The following FHIT variants were observed in gnomAD, a reference collection of about 807,000 sequenced individuals.
FHIT encodes the protein fragile histidine triad diadenosine triphosphatase, also known as bis(5'-adenosyl)-triphosphatase.
Under a neutral mutation model 17.9 loss-of-function variants are expected in FHIT, and 19 were observed. The ratio of observed to expected loss-of-function variants is 1.06; its 90% CI spans 0.74 to 1.56. FHIT has a LOEUF of 1.56. Ranked by LOEUF, FHIT falls within the 40% of genes most tolerant of loss-of-function variation. The pLI, the probability that FHIT is intolerant of heterozygous loss-of-function variation, is 0.00. For missense variants in FHIT, 248 were observed against 189.2 expected (o/e 1.31, Z -1.82); for synonymous variants, 81 against 69.7 (o/e 1.16, Z -0.81).
chr3:60,404,057 T>C (rs184056116), intron 5 of FHIT, among the ~76,000 whole-genome samples: 22 of 152,280 alleles, frequency 1.4e-4, no homozygotes, highest in Non-Finnish European at 3.2e-4. Flanking sequence ...ATCAGACTGA[T>C]TGTGGGCCAA....
intron 8 of FHIT, among the ~76,000 whole-genome samples, chr3:59,798,636 C>G (rs2629890): frequency 0.09 from 13,750 of 152,260 alleles, 833 homozygotes; most frequent in Non-Finnish European, 0.13. Context: ...GCGGCTGGAG[C>G]CTGTGAGGCT....
intron 5 of FHIT, among the ~76,000 whole-genome samples, chr3:60,096,766 C>T (rs572714059): frequency 1.3e-5 from 2 of 152,122 alleles, no homozygotes; most frequent in South Asian, 2.1e-4. Flanking sequence ...TGGCTAAATA[C>T]AGAGCAGAGA....
In FHIT at chr3:60,133,796, G is replaced by C. The variant is rs147659170; in HGVS notation, c.104-119644C>G. ...TTCAAATGACCTAAATCTAAAAATA[G>C]AGTACTTCATGCTCATGACTATTTT... On this transcript the variant is annotated intron_variant, in intron 5 of 9. Coordinates refer to ENST00000492590, the MANE Select transcript of FHIT (RefSeq NM_002012.4). 4.0e-5 allele frequency among the ~76,000 whole-genome samples: 6 copies of C among 149,640 alleles called. No homozygotes were observed. The East Asian group carries it at 1.2e-3, about 30-fold the overall frequency.
intron 7 of FHIT, among the ~76,000 whole-genome samples, chr3:59,975,859 G>A (rs1468764410): frequency 1.4e-5 from 2 of 147,264 alleles, no homozygotes; most frequent in African/African-American, 5.0e-5. Context: ...ATTGGACTAG[G>A]AATCCAACCT....
chr3:60,646,274 A>G (rs1381623327), intron 4 of FHIT, among the ~76,000 whole-genome samples: 1 of 152,182 alleles, frequency 6.6e-6, no homozygotes, highest in African/African-American at 2.4e-5. Context: ...AATGTAAAAA[A>G]TTACTTATAT....
chr3:60,115,862 A>C lies in FHIT; in HGVS notation c.104-101710T>G, dbSNP rs1035860004. Among the ~76,000 whole-genome samples, 14 of 142,986 alleles carry C rather than the reference A, an allele frequency of 9.8e-5. No homozygotes were observed. The South Asian group carries it at 3.1e-3, about 32-fold the overall frequency. The allele number at this position is 142,986 out of a possible 152,430, so 93.8% of individuals were successfully genotyped here. A position where few individuals can be genotyped will look rare whatever the true frequency, so the allele number is the denominator to read the frequency against. On this transcript the variant is annotated intron_variant, in intron 5 of 9. Transcript: ENST00000492590. ...TATAATACATATATATTATAAATCT[A>C]CAAAGACCTATCCATATATGCATAT...
intron 2 of FHIT, among the ~76,000 whole-genome samples, chr3:61,188,229 G>A (rs1443989396): frequency 6.6e-6 from 1 of 151,960 alleles, no homozygotes; most frequent in Non-Finnish European, 1.5e-5. Context: ...AATAGATGCA[G>A]TAAAAAATGA....
intron 8 of FHIT, among the ~76,000 whole-genome samples, chr3:59,776,959 C>T (rs1048872302): frequency 6.6e-6 from 1 of 152,108 alleles, no homozygotes; most frequent in Non-Finnish European, 1.5e-5. Flanking sequence ...ATTCCATGCC[C>T]TCCCACCACA....
chr3:60,218,296 T>C (rs1449880864), intron 5 of FHIT, among the ~76,000 whole-genome samples: 2 of 152,110 alleles, frequency 1.3e-5, no homozygotes, highest in Non-Finnish European at 2.9e-5. Flanking sequence ...GTTAAATATA[T>C]TTTATGTAGG....
intron 1 of FHIT, among the ~76,000 whole-genome samples, chr3:61,248,778 A>G (rs1167002002): frequency 2.6e-5 from 4 of 152,246 alleles, no homozygotes; most frequent in Non-Finnish European, 5.9e-5. Flanking sequence ...ATAGAAAAGC[A>G]TAAGCCTAAA....
intron 8 of FHIT, among the ~76,000 whole-genome samples, chr3:59,765,425 A>T (rs1701744525): frequency 6.6e-6 from 1 of 152,234 alleles, no homozygotes; most frequent in African/African-American, 2.4e-5. Context: ...CAAGGCTTCA[A>T]TGCTCTAGGA....
chr3:61,230,440 C>G (rs571826541), intron 1 of FHIT, among the ~76,000 whole-genome samples: 1 of 152,272 alleles, frequency 6.6e-6, no homozygotes, highest in East Asian at 1.9e-4. Context: ...TCCCTGAAGC[C>G]TCCCCCAAAA....
At chr3:60,129,187 G>T (rs1182526981) in intron 5 of FHIT, among the ~76,000 whole-genome samples, 6 of 151,568 alleles carry the variant, frequency 4.0e-5, no homozygotes, top group Admixed American at 3.3e-4. Flanking sequence ...CAAGTAGCTG[G>T]GACTACAGGT....
chr3:60,070,071 C>A (rs1347886901), intron 5 of FHIT, among the ~76,000 whole-genome samples: 1 of 152,164 alleles, frequency 6.6e-6, no homozygotes, highest in African/African-American at 2.4e-5. Context: ...CCTCCATTCC[C>A]TCACAAGGTG....
chr3:59,869,257 G>A (rs929464827), intron 8 of FHIT, among the ~76,000 whole-genome samples: 1 of 152,096 alleles, frequency 6.6e-6, no homozygotes, highest in Non-Finnish European at 1.5e-5. Context: ...AACTAGTTTA[G>A]CTCTTTCTAC....
At chr3:60,020,226 C>A (rs1052379001) in intron 5 of FHIT, among the ~76,000 whole-genome samples, 6 of 152,146 alleles carry the variant, frequency 3.9e-5, no homozygotes, top group Admixed American at 1.3e-4. Flanking sequence ...AAAATTTGCT[C>A]ATCAAGGATA....
chr3:60,390,421 A>C lies in FHIT; in HGVS notation c.103+146439T>G, dbSNP rs1352612603. Among the ~76,000 whole-genome samples the C allele has an allele frequency of 3.3e-3, 424 of 130,260 alleles. 34 individuals are homozygous for C. The highest frequency in any genetic ancestry group is 3.8e-3 in the Middle Eastern group (1 of 262). The allele number at this position is 130,260 out of a possible 152,430, so 85.5% of individuals were successfully genotyped here. On this transcript the variant is annotated intron_variant, in intron 5 of 9. Coordinates refer to ENST00000492590, the MANE Select transcript of FHIT (RefSeq NM_002012.4). The stretch of plus-strand genomic sequence containing the variant: ...TAAAAAAAAAAAAAAAAAAAAAAAA[A>C]AAAAAAACCCGTACCCTCTAGTATT...
intron 4 of FHIT, among the ~76,000 whole-genome samples, chr3:60,588,819 G>T (rs1043164122): frequency 1.3e-5 from 2 of 151,910 alleles, no homozygotes; most frequent in Non-Finnish European, 2.9e-5. Flanking sequence ...CTGTCCTGGT[G>T]ATTGTAATTT....
chr3:60,368,209 A>AG (rs1487238433), intron 5 of FHIT, among the ~76,000 whole-genome samples: 4 of 151,416 alleles, frequency 2.6e-5, no homozygotes, highest in East Asian at 1.9e-4. Context: ...AAAAAAAAAA[A>AG]AAAGAAACTG....
Sources: allele counts gnomAD v4.1 joint callset (sites outside exome capture counted in the v4.1 genomes callset), GRCh38; gene constraint gnomAD v4.1.1; transcripts MANE v1.5; gene names NCBI Gene and HGNC (gene_info 2026-07-23, HGNC 2026-07-21).